The following GABRG3 variants were observed in gnomAD, a reference collection of about 807,000 sequenced individuals.
The protein encoded by GABRG3 is gamma-aminobutyric acid type A receptor subunit gamma3.
In GABRG3, 25 loss-of-function variants were observed where a neutral mutation model predicts 48.8. The ratio of observed to expected loss-of-function variants is 0.51; its 90% CI spans 0.37 to 0.72. The LOEUF is 0.72. Among genes scored for constraint, GABRG3 ranks in the 30% least tolerant of loss-of-function variants. The probability of loss-of-function intolerance (pLI) is 0.00; values close to 1 mark genes in which losing one functional copy is unlikely to be tolerated. For missense variants in GABRG3, 394 were observed against 577.9 expected (o/e 0.68, Z 3.26); for synonymous variants, 227 against 217.6 (o/e 1.04, Z -0.38).
intron 6 of GABRG3, among the ~76,000 whole-genome samples, chr15:27,491,925 C>T (rs537319001): frequency 6.6e-6 from 1 of 152,284 alleles, no homozygotes; most frequent in South Asian, 2.1e-4. Flanking sequence ...CCCAATGCTA[C>T]TGTTATTTAC....
chr15:27,054,577 C>T (rs1451128500), intron 3 of GABRG3, among the ~76,000 whole-genome samples: 2 of 152,098 alleles, frequency 1.3e-5, no homozygotes, highest in Admixed American at 6.5e-5. Flanking sequence ...ACAAGAAAGG[C>T]GGAAATGCAT....
At chr15:27,449,419 A>G (rs1165824550) in intron 5 of GABRG3, among the ~76,000 whole-genome samples, 1 of 152,192 alleles carries the variant, frequency 6.6e-6, no homozygotes, top group Admixed American at 6.5e-5. Flanking sequence ...GCCATTCTAT[A>G]AGGTTGTAAT....
At chr15:27,273,764 C>T (rs1891163910) in intron 3 of GABRG3, among the ~76,000 whole-genome samples, 1 of 152,130 alleles carries the variant, frequency 6.6e-6, no homozygotes, top group South Asian at 2.1e-4. Context: ...AAACATTTTC[C>T]CGAGTATAAT....
At chr15:27,363,085 C>G (rs1022148236) in intron 5 of GABRG3, 1 of 152,184 alleles carries the variant, frequency 6.6e-6, no homozygotes, top group Non-Finnish European at 1.5e-5. Context: ...AGTTTGTGCT[C>G]TTTCTGGCCC....
At chr15:27,330,717 T>C (rs938694362) in intron 5 of GABRG3, among the ~76,000 whole-genome samples, 1 of 152,230 alleles carries the variant, frequency 6.6e-6, no homozygotes, top group Non-Finnish European at 1.5e-5. Flanking sequence ...CACATAGTAC[T>C]CAGGGAAATA....
At chr15:27,146,596 T>C (rs1214501071) in intron 3 of GABRG3, among the ~76,000 whole-genome samples, 1 of 152,196 alleles carries the variant, frequency 6.6e-6, no homozygotes, top group Non-Finnish European at 1.5e-5. Flanking sequence ...AATTATATTC[T>C]CTGTTGATGG....
chr15:27,167,552 T>A (rs1887419752), intron 3 of GABRG3, among the ~76,000 whole-genome samples: 1 of 152,094 alleles, frequency 6.6e-6, no homozygotes, highest in African/African-American at 2.4e-5. Flanking sequence ...CTAATCAGAT[T>A]TTAAAAATAA....
In GABRG3 at chr15:27,062,434, TAAAAAAAAAA is replaced by T. The variant is rs57903886; in HGVS notation, c.270+35628_270+35637del. Among the ~76,000 whole-genome samples the T allele has an allele frequency of 9.1e-5, 3 of 32,824 alleles. 1 individual carries two copies. The highest frequency in any genetic ancestry group is 2.5e-4 in the Non-Finnish European group (3 of 11,808). 21.5% of individuals were successfully genotyped at this position (32,824 alleles called of 152,430 possible). ...CAACATGGTGAAACTCCATCTCTAC[TAAAAAAAAAA>T]AAAAAAAAAAAAAATTAGCCTTGCA... On this transcript the variant is annotated intron_variant, in intron 3 of 9. Coordinates refer to ENST00000615808, the MANE Select transcript of GABRG3 (RefSeq NM_033223.5).
At chr15:26,971,939 C>T (rs185715503) in intron 1 of GABRG3, among the ~76,000 whole-genome samples, 96 of 152,242 alleles carry the variant, frequency 6.3e-4, no homozygotes, top group Non-Finnish European at 1.2e-3. Flanking sequence ...GTTTCAGGGG[C>T]TCACACACAC....
At chr15:27,279,744 T>A (rs1891373721) in intron 3 of GABRG3, among the ~76,000 whole-genome samples, 1 of 152,174 alleles carries the variant, frequency 6.6e-6, no homozygotes, top group African/African-American at 2.4e-5. Flanking sequence ...TTTTAGCTAC[T>A]CTGATTTCTT....
intron 3 of GABRG3, among the ~76,000 whole-genome samples, chr15:27,099,516 C>G (rs1897320794): frequency 6.6e-6 from 1 of 152,028 alleles, no homozygotes; most frequent in African/African-American, 2.4e-5. Context: ...CTGTAATAGC[C>G]TCATTTTAAC....
chr15:27,379,046 CTG>C (rs1452411469), intron 5 of GABRG3, among the ~76,000 whole-genome samples: 1 of 152,148 alleles, frequency 6.6e-6, no homozygotes, highest in African/African-American at 2.4e-5. Flanking sequence ...GAATTTTTTA[CTG>C]TGTTTGTTTC....
intron 3 of GABRG3, among the ~76,000 whole-genome samples, chr15:27,054,427 T>C (rs1896506839): frequency 6.6e-6 from 1 of 151,368 alleles, no homozygotes; most frequent in Non-Finnish European, 1.5e-5. Flanking sequence ...AAAATAGAAA[T>C]AAACAAGGAA....
intron 3 of GABRG3, among the ~76,000 whole-genome samples, chr15:27,182,516 T>C (rs1887963686): frequency 6.6e-6 from 1 of 152,130 alleles, no homozygotes; most frequent in African/African-American, 2.4e-5. Flanking sequence ...GAACCCGCCA[T>C]GTGAAAGCAG....
At position 27,095,655 on chromosome 15, in the gene GABRG3, A is replaced by G. The variant is rs1381598349; in HGVS notation, c.270+68834A>G. On this transcript the variant is annotated intron_variant, in intron 3 of 9. Coordinates refer to ENST00000615808, the MANE Select transcript of GABRG3 (RefSeq NM_033223.5). ...ATGCCACAGCATGGGAGAGGAGACAAGTATCATCTGCTCCCTATTCTTTCA... is the reference window on the plus strand; with the variant it reads ...ATGCCACAGCATGGGAGAGGAGACAGGTATCATCTGCTCCCTATTCTTTCA... 3.9e-5 allele frequency among the ~76,000 whole-genome samples: 6 copies of G among 152,252 alleles called. No individual in the cohort carries two copies. In the East Asian group the frequency reaches 9.7e-4, roughly 25 times the overall value.
chr15:27,209,065 C>T lies in GABRG3; in HGVS notation c.271-117744C>T, dbSNP rs573031559. On this transcript the variant is annotated intron_variant, in intron 3 of 9. Transcript: ENST00000615808. ...ATGGAAATGGAGACAGAGGCCAGCA[C>T]GGCTGCTCAGGGCACACCCAGCTCA... Among the ~76,000 whole-genome samples, 2 of 152,338 alleles carry T rather than the reference C, an allele frequency of 1.3e-5. 1 individual carries two copies. Among genetic ancestry groups the T allele is most frequent in the African/African-American group, 4.8e-5 (2 of 41,572 alleles).
Position 27,484,613 on chromosome 15 carries a change from C to G in GABRG3, c.712+3826C>G, listed in dbSNP as rs545060666. Among the ~76,000 whole-genome samples, 36 of 152,244 alleles carry G rather than the reference C, an allele frequency of 2.4e-4. 1 individual carries two copies. In the South Asian group the frequency reaches 4.8e-3, roughly 20 times the overall value. Reference sequence around the variant, plus strand: ...AGATCTTGGTTTCTAATATCATTCTCCAATTAAAGGAACCAGGGCTCCTTG... The same window carrying G: ...AGATCTTGGTTTCTAATATCATTCTGCAATTAAAGGAACCAGGGCTCCTTG... On this transcript the variant is annotated intron_variant, in intron 6 of 9. Transcript: ENST00000615808.
At chr15:27,114,346 A>C (rs1202524927) in intron 3 of GABRG3, among the ~76,000 whole-genome samples, 2 of 152,202 alleles carry the variant, frequency 1.3e-5, no homozygotes, top group African/African-American at 4.8e-5. Flanking sequence ...TTTAAGCTAT[A>C]ATACATCATG....
At chr15:27,526,343 A>C (rs1373472386) in intron 7 of GABRG3, among the ~76,000 whole-genome samples, 1 of 152,224 alleles carries the variant, frequency 6.6e-6, no homozygotes, top group Non-Finnish European at 1.5e-5. Flanking sequence ...ATGTGTCCTC[A>C]TCTGTCCTGT....
Sources: gnomAD v4.1 joint callset for allele counts (sites outside exome capture counted in the v4.1 genomes callset) on GRCh38, gnomAD v4.1.1 for gene constraint, MANE v1.5 for transcripts, NCBI Gene and HGNC (gene_info 2026-07-23, HGNC 2026-07-21) for gene names.